The following RBMS3 variants were observed in gnomAD, a reference collection of about 807,000 sequenced individuals.
RBMS3 encodes the protein RNA binding motif single stranded interacting protein 3.
A neutral mutation model predicts 66.8 loss-of-function variants in RBMS3; 27 were observed. The observed-to-expected ratio is 0.40, with a 90% confidence interval of 0.30 to 0.56. RBMS3 has a LOEUF of 0.56. Among genes scored for constraint, RBMS3 ranks in the 20% least tolerant of loss-of-function variants. The pLI, the probability that RBMS3 is intolerant of heterozygous loss-of-function variation, is 0.40. For synonymous variants in RBMS3, 188 were observed against 183.0 expected (o/e 1.03, Z -0.22); for missense variants, 513 against 549.5 (o/e 0.93, Z 0.66).
intron 5 of RBMS3, among the ~76,000 whole-genome samples, chr3:29,742,058 T>C (rs2054672676): frequency 6.6e-6 from 1 of 152,188 alleles, no homozygotes; most frequent in East Asian, 1.9e-4. Flanking sequence ...AACACAAAGA[T>C]TGAACTATTC....
At chr3:29,462,476 AG>A (rs1299747769) in intron 2 of RBMS3, among the ~76,000 whole-genome samples, 2 of 152,174 alleles carry the variant, frequency 1.3e-5, no homozygotes, top group African/African-American at 4.8e-5. Flanking sequence ...TATTCTGAGC[AG>A]TCTAGGCTAA....
intron 3 of RBMS3, among the ~76,000 whole-genome samples, chr3:29,525,171 T>C (rs2045044680): frequency 6.6e-6 from 1 of 152,190 alleles, no homozygotes; most frequent in Non-Finnish European, 1.5e-5. Context: ...TAAATGTAAC[T>C]GGGAAAGAAC....
At chr3:29,871,883 C>T (rs1370923380) in intron 7 of RBMS3, among the ~76,000 whole-genome samples, 1 of 152,014 alleles carries the variant, frequency 6.6e-6, no homozygotes, top group African/African-American at 2.4e-5. Flanking sequence ...ATTTTATTAG[C>T]AAAGTTTGGC....
chr3:29,505,526 G>T (rs866181671), intron 3 of RBMS3, among the ~76,000 whole-genome samples: 2,120 of 141,470 alleles, frequency 0.015, 63 homozygotes, highest in African/African-American at 0.055. Context: ...TTTGTTGTTT[G>T]TTTGTTTGTT....
intron 5 of RBMS3, among the ~76,000 whole-genome samples, chr3:29,745,755 T>G (rs1206250988): frequency 6.6e-6 from 1 of 152,166 alleles, no homozygotes; most frequent in Non-Finnish European, 1.5e-5. Flanking sequence ...TTTTTTGCCC[T>G]TCCTCAATAC....
At chr3:29,517,705 C>A (rs2044699819) in intron 3 of RBMS3, among the ~76,000 whole-genome samples, 1 of 152,074 alleles carries the variant, frequency 6.6e-6, no homozygotes, top group South Asian at 2.1e-4. Context: ...TTTTCTAGAC[C>A]TAGGGGGAAT....
intron 11 of RBMS3, among the ~76,000 whole-genome samples, chr3:29,943,337 G>A (rs2061435844): frequency 1.3e-5 from 2 of 151,872 alleles, no homozygotes; most frequent in South Asian, 2.1e-4. Context: ...AAGGGGAGTG[G>A]GGACAAAATT....
Position 29,358,719 on chromosome 3 carries a change from G to T in RBMS3, c.76-76024G>T, listed in dbSNP as rs1391383257. On this transcript the variant is annotated intron_variant, in intron 1 of 14. Coordinates refer to ENST00000383767, the MANE Select transcript of RBMS3 (RefSeq NM_001003793.3). ...CATTTTTTTGTGTCCTCTTTTATTT[G>T]GTTGAGCAGTGGTTTGTAGTTCTCC... Among the ~76,000 whole-genome samples, 5 of 152,008 alleles carry T rather than the reference G, an allele frequency of 3.3e-5. 1 individual carries two copies. Among genetic ancestry groups the T allele is most frequent in the African/African-American group, 9.6e-5 (4 of 41,474 alleles).
intron 1 of RBMS3, among the ~76,000 whole-genome samples, chr3:29,320,169 G>T (rs1220930601): frequency 6.6e-6 from 1 of 152,014 alleles, no homozygotes; most frequent in African/African-American, 2.4e-5. Context: ...TGCACAAATT[G>T]CTAGCTTTGT....
intron 1 of RBMS3, among the ~76,000 whole-genome samples, chr3:29,341,899 G>A (rs1272082751): frequency 6.6e-6 from 1 of 152,038 alleles, no homozygotes; most frequent in Non-Finnish European, 1.5e-5. Flanking sequence ...TCAGTATGAT[G>A]CCAAACACTA....
At chr3:29,996,335 C>T (rs1255893288) in intron 14 of RBMS3, among the ~76,000 whole-genome samples, 1 of 149,638 alleles carries the variant, frequency 6.7e-6, no homozygotes, top group Non-Finnish European at 1.5e-5. Flanking sequence ...TTTAACACCC[C>T]ACTGTCAACA....
At chr3:29,331,815 C>CTTTTTTTTTT (rs11354452) in intron 1 of RBMS3, among the ~76,000 whole-genome samples, 3 of 69,708 alleles carry the variant, frequency 4.3e-5, no homozygotes, top group African/African-American at 6.2e-5. Flanking sequence ...AGGATAGCTC[C>CTTTTTTTTTT]TTTTTTTTTT....
At chr3:29,919,780 G>A (rs971730442) in intron 10 of RBMS3, among the ~76,000 whole-genome samples, 2 of 152,174 alleles carry the variant, frequency 1.3e-5, no homozygotes, top group African/African-American at 4.8e-5. Flanking sequence ...GCTGCATAAT[G>A]CTGTCACTGC....
At chr3:29,873,811 T>G (rs1365748221) in intron 7 of RBMS3, among the ~76,000 whole-genome samples, 1 of 152,248 alleles carries the variant, frequency 6.6e-6, no homozygotes, top group Non-Finnish European at 1.5e-5. Flanking sequence ...TGTTGAAATT[T>G]ATTGAAATTC....
At chr3:29,359,318 T>C (rs1346277961) in intron 1 of RBMS3, among the ~76,000 whole-genome samples, 1 of 152,218 alleles carries the variant, frequency 6.6e-6, no homozygotes, top group Non-Finnish European at 1.5e-5. Context: ...GTGGTTTTTG[T>C]CATTGGTTCT....
intron 3 of RBMS3, among the ~76,000 whole-genome samples, chr3:29,512,792 G>A (rs1380544694): frequency 6.6e-6 from 1 of 152,152 alleles, no homozygotes; most frequent in East Asian, 1.9e-4. Flanking sequence ...GTGTGCACTG[G>A]GCTTCCAACC....
At chr3:29,931,257 CATA>C (rs1414737490) in intron 10 of RBMS3, among the ~76,000 whole-genome samples, 4 of 152,208 alleles carry the variant, frequency 2.6e-5, no homozygotes, top group South Asian at 4.1e-4. Context: ...GTTGTATAAA[CATA>C]ATGTCTTCCC....
intron 11 of RBMS3, 140 bp from the exon 12 acceptor site, chr3:29,944,067 T>A: frequency 1.6e-6 from 1 of 640,534 alleles, no homozygotes; most frequent in East Asian, 2.8e-5. Context: ...TGAGGAATCC[T>A]AATGCCTTTA....
chr3:29,651,882 A>G (rs1228843624), intron 4 of RBMS3, among the ~76,000 whole-genome samples: 1 of 151,616 alleles, frequency 6.6e-6, no homozygotes, highest in Non-Finnish European at 1.5e-5. Context: ...CTAGAAATAA[A>G]TAAATAATAT....
Sources: gnomAD v4.1 joint callset for allele counts (sites outside exome capture counted in the v4.1 genomes callset) on GRCh38, gnomAD v4.1.1 for gene constraint, MANE v1.5 for transcripts, NCBI Gene and HGNC (gene_info 2026-07-23, HGNC 2026-07-21) for gene names.